UNC79: variants seen among roughly 807,000 people sequenced by gnomAD.
UNC79 encodes the protein protein unc-79 homolog.
In UNC79, 37 loss-of-function variants were observed where a neutral mutation model predicts 283.1. That is an observed-to-expected ratio of 0.13 (90% CI 0.10 to 0.17). The LOEUF (loss-of-function observed/expected upper bound fraction) is 0.17. Ranked by LOEUF, UNC79 falls within the 10% of genes least tolerant of loss-of-function variation. UNC79 has a pLI of 1.00. For synonymous variants in UNC79, 1,107 were observed against 1,200.2 expected, an observed-to-expected ratio of 0.92 and a Z score of 1.61; for missense variants, 2,272 against 3,211.1, an observed-to-expected ratio of 0.71 and a Z score of 7.07.
chr14:93,702,310 A>G (rs1446946194), intron 47 of UNC79, among the ~76,000 whole-genome samples: 1 of 152,044 alleles, frequency 6.6e-6, no homozygotes, highest in Non-Finnish European at 1.5e-5. Flanking sequence ...ATCTTCTGAT[A>G]TTTTCAGCTT....
chr14:93,418,721 C>G (rs1393028176), intron 1 of UNC79, among the ~76,000 whole-genome samples: 1 of 151,830 alleles, frequency 6.6e-6, no homozygotes, highest in East Asian at 1.9e-4. Context: ...CAAGCCTGGG[C>G]AATGGTGGGC....
chr14:93,580,199 A>T (rs777859610), exon 19 of UNC79: 3 of 1,614,138 alleles, frequency 1.9e-6, no homozygotes, highest in Non-Finnish European at 2.5e-6. Flanking sequence ...ACAGCTTATC[A>T]AAGGACATTA....
chr14:93,435,795 TCAATGCAGTTA>T (rs2056064558), intron 1 of UNC79, among the ~76,000 whole-genome samples: 1 of 152,318 alleles, frequency 6.6e-6, no homozygotes, highest in East Asian at 1.9e-4. Flanking sequence ...CTTTACCTCT[TCAATGCAGTTA>T]CAATGAACTA....
chr14:93,652,278 G>A (rs1361345490), intron 35 of UNC79, among the ~76,000 whole-genome samples: 2 of 151,928 alleles, frequency 1.3e-5, no homozygotes, highest in Admixed American at 6.6e-5. Flanking sequence ...TGTTGCTGTT[G>A]TTGAGGCAGG....
chr14:93,425,672 G>C (rs2055710455), upstream of UNC79, among the ~76,000 whole-genome samples: 1 of 152,102 alleles, frequency 6.6e-6, no homozygotes, highest in Non-Finnish European at 1.5e-5. Context: ...CTTATTCATA[G>C]GGGAAGAAGC....
Position 93,612,787 on chromosome 14 carries a change from C to T in UNC79, c.3755-10C>T, listed in dbSNP as rs1455603366. On this transcript the variant is annotated splice_polypyrimidine_tract_variant and intron_variant, in intron 26 of 48. Coordinates refer to ENST00000555664, the Ensembl canonical transcript of UNC79. ...GAGCCACCCACTGACAGCCTTTCTT[C>T]TACTGACAGGACAACAATCTCCTGA... is the stretch of plus-strand genomic sequence containing the variant. The T allele has an allele frequency of 2.5e-6, 4 of 1,609,230 alleles. No individual in the cohort carries two copies. Among genetic ancestry groups the T allele is most frequent in the Admixed American group, 1.7e-5 (1 of 59,856 alleles).
intron 1 of UNC79, among the ~76,000 whole-genome samples, chr14:93,408,099 C>T (rs2055263979): frequency 6.6e-6 from 1 of 152,140 alleles, no homozygotes; most frequent in Non-Finnish European, 1.5e-5. Flanking sequence ...AAAACACAGT[C>T]TGAAAAGACA....
chr14:93,487,871 A>G, intron 5 of UNC79, 116 bp downstream of exon 5: 1 of 942,094 alleles, frequency 1.1e-6, no homozygotes, highest in Non-Finnish European at 1.5e-6. Flanking sequence ...GATGTGTAGA[A>G]AACAGACTTT....
At chr14:93,585,713 C>T (rs1464635631) in intron 20 of UNC79, among the ~76,000 whole-genome samples, 1 of 152,052 alleles carries the variant, frequency 6.6e-6, no homozygotes, top group Non-Finnish European at 1.5e-5. Context: ...TACATTGATG[C>T]CCCCAGTATG....
At position 93,690,209 on chromosome 14, in the gene UNC79, C is replaced by A. The variant is rs1359297986; in HGVS notation, c.7178C>A (p.Ala2393Asp). 1 of 1,614,146 alleles carries A rather than the reference C, an allele frequency of 6.2e-7. No homozygotes were observed. The highest frequency in any genetic ancestry group is 1.7e-5 in the Admixed American group (1 of 60,022). ...ACTCACAATGCAGTGTGCCCAAATG[C>A]CTCCTCTCCCTGCCTGCCCATTCCT... Residue 2393 changes from alanine to aspartate, a missense_variant, in exon 45 of 49, where the codon GCC (alanine) becomes GAC (aspartate). Physicochemically the swap from Ala to Asp is moderately radical, Grantham distance 126. Transcript: ENST00000555664. The surrounding 1 kb of genome is among the most constrained non-coding windows in gnomAD (Gnocchi z 4.3).
At chr14:93,453,033 G>A (rs1482841660) in intron 1 of UNC79, among the ~76,000 whole-genome samples, 1 of 152,184 alleles carries the variant, frequency 6.6e-6, no homozygotes, top group East Asian at 1.9e-4. Context: ...TTGACTCCAG[G>A]TTGATCATGA....
At chr14:93,481,672 C>A (rs1027898795) in intron 4 of UNC79, among the ~76,000 whole-genome samples, 1 of 152,082 alleles carries the variant, frequency 6.6e-6, no homozygotes, top group Non-Finnish European at 1.5e-5. Flanking sequence ...GCGTGACTTA[C>A]CATTTTTTGT....
At chr14:93,483,213 T>C (rs2058230067) in intron 4 of UNC79, among the ~76,000 whole-genome samples, 1 of 152,188 alleles carries the variant, frequency 6.6e-6, no homozygotes, top group Non-Finnish European at 1.5e-5. Context: ...CTTTATTCCC[T>C]TGCACTGCTT....
intron 1 of UNC79, among the ~76,000 whole-genome samples, chr14:93,384,290 G>C (rs1249529358): frequency 1.3e-5 from 2 of 152,150 alleles, no homozygotes; most frequent in Non-Finnish European, 2.9e-5. Context: ...TCTCCATAGT[G>C]GTTGTACTAA....
chr14:93,483,521 T>C (rs1595591522), intron 4 of UNC79, among the ~76,000 whole-genome samples: 1 of 67,282 alleles, frequency 1.5e-5, no homozygotes, highest in African/African-American at 5.0e-5. Flanking sequence ...CCTGTCTGTC[T>C]TTTTTTTTTT....
chr14:93,440,373 C>A (rs1055587782), intron 1 of UNC79, among the ~76,000 whole-genome samples: 11 of 152,060 alleles, frequency 7.2e-5, no homozygotes, highest in Admixed American at 3.9e-4. Flanking sequence ...TTGTCGATTT[C>A]TTTTTCAAGA....
chr14:93,410,829 C>T (rs983018588), intron 1 of UNC79, among the ~76,000 whole-genome samples: 5 of 152,086 alleles, frequency 3.3e-5, no homozygotes, highest in Middle Eastern at 3.2e-3. Context: ...CACTGTGGGC[C>T]GTAGGTGAAA....
At chr14:93,578,652 C>T (rs2063604867) in intron 18 of UNC79, among the ~76,000 whole-genome samples, 1 of 152,122 alleles carries the variant, frequency 6.6e-6, no homozygotes, top group Non-Finnish European at 1.5e-5. Flanking sequence ...AAATTGCAGA[C>T]ATGATGTCCT....
Position 93,692,872 on chromosome 14 carries a change from G to C in UNC79, c.7470+926G>C, listed in dbSNP as rs1354007750. On this transcript the variant is annotated intron_variant, in intron 46 of 48. Coordinates refer to ENST00000555664, the Ensembl canonical transcript of UNC79. The stretch of plus-strand genomic sequence containing the variant: ...GTATTGGAGGAGGACTCTCAGCTGG[G>C]AAAGCTGCAACCAGCGTCTTGTTAT... Among the ~76,000 whole-genome samples the C allele has an allele frequency of 3.9e-5, 6 of 152,318 alleles. No individual in the cohort carries two copies. In the East Asian group the frequency reaches 1.2e-3, roughly 29 times the overall value.
Sources: allele counts gnomAD v4.1 joint callset (sites outside exome capture counted in the v4.1 genomes callset), GRCh38; gene constraint gnomAD v4.1.1; non-coding constraint Gnocchi (gnomAD v3.1); transcripts MANE v1.5; gene names NCBI Gene and HGNC (gene_info 2026-07-23, HGNC 2026-07-21).